NUP98: variants seen among roughly 807,000 people sequenced by gnomAD.
NUP98 encodes nuclear pore complex protein Nup98-Nup96.
In NUP98, 26 loss-of-function variants were observed where a neutral mutation model predicts 191.9. The observed-to-expected ratio is 0.14, with a 90% CI of 0.10 to 0.19. NUP98 has a LOEUF of 0.19. Ranked by LOEUF, NUP98 falls within the 10% of genes least tolerant of loss-of-function variation. The pLI, the probability that NUP98 is intolerant of heterozygous loss-of-function variation, is 1.00. For synonymous variants in NUP98, 808 were observed against 778.4 expected (o/e 1.04, Z -0.63); for missense variants, 1,941 against 2,178.8 (o/e 0.89, Z 2.17).
intron 1 of NUP98, among the ~76,000 whole-genome samples, chr11:3,783,771 C>T (rs967592359): frequency 2.0e-5 from 3 of 152,050 alleles, no homozygotes; most frequent in South Asian, 2.1e-4. Context: ...ACTATGCACC[C>T]GGTCATTTAA....
At chr11:3,694,820 G>A (rs1182300562) in intron 26 of NUP98, among the ~76,000 whole-genome samples, 2 of 151,996 alleles carry the variant, frequency 1.3e-5, no homozygotes, top group African/African-American at 2.4e-5. Flanking sequence ...AGACCTATAG[G>A]TGACAGGATC....
chr11:3,789,147 G>C lies in NUP98; in HGVS notation c.-28-7002C>G, dbSNP rs115072815. On this transcript the variant is annotated intron_variant, in intron 1 of 32. Coordinates refer to ENST00000324932, the MANE Select transcript of NUP98 (RefSeq NM_016320.5). ...AGCCTACACCAAAAGACTGGTAGGA[G>C]GACAAAGCTGCCTCAAACTAGAGCT... Among the ~76,000 whole-genome samples the C allele has an allele frequency of 4.0e-3, 613 of 152,262 alleles. 2 individuals carry two copies. The highest frequency in any genetic ancestry group is 0.014 in the African/African-American group (576 of 41,552).
intron 14 of NUP98, among the ~76,000 whole-genome samples, chr11:3,727,558 G>C (rs1316534400): frequency 6.6e-6 from 1 of 152,024 alleles, no homozygotes; most frequent in Non-Finnish European, 1.5e-5. Context: ...ACTGGGGTTG[G>C]GGGTAGAAAG....
At chr11:3,713,556 A>C (rs1020937945) in intron 19 of NUP98, among the ~76,000 whole-genome samples, 5 of 152,014 alleles carry the variant, frequency 3.3e-5, no homozygotes, top group African/African-American at 1.2e-4. Flanking sequence ...CGATCTTTAC[A>C]AACATTTTAA....
chr11:3,676,193 G>A lies in NUP98; in HGVS notation c.5369C>T (p.Ser1790Phe). 6.2e-7 allele frequency: 1 copy of A among 1,614,160 alleles called. No individual in the cohort carries two copies. The highest frequency in any genetic ancestry group is 1.1e-5 in the South Asian group (1 of 91,086). ...AMDELRSLTQ[S>F]YLRELAVGSL ...CCCAACAGCCAGTTCTCGCAGATAG[G>A]ACTGGGTAAGGCTGCGCAGTTCGTC... The change falls in exon 33 of 33, where the codon TCC becomes TTC. Residue 1790 changes from serine to phenylalanine, a missense_variant. Coordinates refer to ENST00000324932, the MANE Select transcript of NUP98 (RefSeq NM_016320.5).
At chr11:3,731,217 T>C (rs2079834377) in intron 14 of NUP98, among the ~76,000 whole-genome samples, 174 bp downstream of exon 14, 1 of 152,184 alleles carries the variant, frequency 6.6e-6, no homozygotes, top group South Asian at 2.1e-4. Flanking sequence ...TGAGCAAAGA[T>C]CATGCCATTG....
intron 6 of NUP98, 21 bp downstream of exon 6, chr11:3,773,611 T>C: frequency 7.2e-7 from 1 of 1,387,964 alleles, no homozygotes; most frequent in Non-Finnish European, 1.0e-6. Flanking sequence ...AGACTGACAT[T>C]CTGTATTGTA....
At chr11:3,694,371 AAAAAACAAC>A (rs2078430517) in intron 26 of NUP98, among the ~76,000 whole-genome samples, 1 of 151,574 alleles carries the variant, frequency 6.6e-6, no homozygotes, top group African/African-American at 2.4e-5. Flanking sequence ...ACTCTATCTC[AAAAAACAAC>A]AACAACAACA....
intron 14 of NUP98, among the ~76,000 whole-genome samples, chr11:3,729,071 G>A (rs1589823083): frequency 6.6e-6 from 1 of 152,182 alleles, no homozygotes; most frequent in Non-Finnish European, 1.5e-5. Flanking sequence ...TTTAGACATC[G>A]AAGTGAAGAT....
At chr11:3,759,771 G>A (rs1336465704) in intron 10 of NUP98, among the ~76,000 whole-genome samples, 1 of 151,160 alleles carries the variant, frequency 6.6e-6, no homozygotes, top group Non-Finnish European at 1.5e-5. Flanking sequence ...TTTTGAAACC[G>A]TAAAAAATAA....
At chr11:3,693,939 G>T (rs1268997939) in intron 26 of NUP98, among the ~76,000 whole-genome samples, 1 of 152,108 alleles carries the variant, frequency 6.6e-6, no homozygotes. Context: ...CTATAAAAAA[G>T]AATAATGCCA....
Position 3,691,417 on chromosome 11 carries a change from C to A in NUP98, c.4384G>T (p.Ala1462Ser), listed in dbSNP as rs1420238073. Residue 1462 changes from alanine to serine, a missense_variant, in exon 28 of 33, where the codon GCG (alanine) becomes TCG (serine). Ala to Ser is a moderately conservative substitution (Grantham distance 99). Transcript: ENST00000324932. The part of the protein sequence containing the change: ...SYLEGSGCVI[A>S]EEQNSQTPLR... Reference sequence around the variant, plus strand: ...GGTGTCTGTGAGTTTTGCTCCTCCGCTATCACACAGCCAGAACCCTCCAGA... The same window carrying A: ...GGTGTCTGTGAGTTTTGCTCCTCCGATATCACACAGCCAGAACCCTCCAGA... The A allele has an allele frequency of 6.2e-7, 1 of 1,614,162 alleles. No individual in the cohort carries two copies. The highest frequency in any genetic ancestry group is 1.3e-5 in the African/African-American group (1 of 75,044).
At chr11:3,758,292 G>T (rs564630222) in intron 10 of NUP98, among the ~76,000 whole-genome samples, 1 of 150,688 alleles carries the variant, frequency 6.6e-6, no homozygotes, top group Non-Finnish European at 1.5e-5. Context: ...CTGCACTCCC[G>T]CCTGGGAGAC....
At chr11:3,740,511 T>A (rs943495139) in intron 12 of NUP98, among the ~76,000 whole-genome samples, 1 of 149,528 alleles carries the variant, frequency 6.7e-6, no homozygotes, top group African/African-American at 2.5e-5. Context: ...AGCAAGACTC[T>A]GTCTCAAAAA....
chr11:3,760,691 G>C (rs929059489), intron 9 of NUP98, 65 bp from the exon 10 acceptor site: 3 of 1,357,626 alleles, frequency 2.2e-6, no homozygotes, highest in Non-Finnish European at 3.1e-6. Flanking sequence ...CTAAATACAG[G>C]TTACCTCAGG....
intron 28 of NUP98, among the ~76,000 whole-genome samples, chr11:3,688,711 C>A: frequency 6.7e-6 from 1 of 149,424 alleles, no homozygotes; most frequent in Admixed American, 6.7e-5. Context: ...AGGAGAATCG[C>A]TTGAACCTGG....
chr11:3,744,006 C>G (rs1264857441), intron 12 of NUP98, among the ~76,000 whole-genome samples: 1 of 152,120 alleles, frequency 6.6e-6, no homozygotes, highest in East Asian at 1.9e-4. Context: ...TTGCAGTGAG[C>G]TGAGATCACA....
chr11:3,702,280 G>GACACACACAC (rs537147629), intron 23 of NUP98, among the ~76,000 whole-genome samples, 183 bp downstream of exon 23: 11 of 108,480 alleles, frequency 1.0e-4, no homozygotes, highest in South Asian at 3.4e-4. Context: ...GCAAAACTGA[G>GACACACACAC]ACACACACAC....
intron 1 of NUP98, among the ~76,000 whole-genome samples, chr11:3,794,337 T>C (rs1453916561): frequency 6.6e-6 from 1 of 152,164 alleles, no homozygotes; most frequent in Non-Finnish European, 1.5e-5. Context: ...TTTCTTTTTT[T>C]CTTGAGTCAG....
Sources: gnomAD v4.1 joint callset for allele counts (sites outside exome capture counted in the v4.1 genomes callset) on GRCh38, gnomAD v4.1.1 for gene constraint, MANE v1.5 for transcripts, NCBI Gene and HGNC (gene_info 2026-07-23, HGNC 2026-07-21) for gene names.